Variants in ADCK1 observed in about 807,000 individuals in gnomAD.
ADCK1 encodes aarF domain-containing protein kinase 1.
Under a neutral mutation model 52.3 loss-of-function variants are expected in ADCK1, and 41 were observed. The observed-to-expected ratio is 0.78, with a 90% confidence interval of 0.61 to 1.02. ADCK1 has a LOEUF of 1.02. Among genes scored for constraint, ADCK1 ranks in the 50% least tolerant of loss-of-function variants. The pLI, the probability that ADCK1 is intolerant of heterozygous loss-of-function variation, is 0.00. For synonymous variants in ADCK1, 250 were observed against 274.6 expected (o/e 0.91, Z 0.89); for missense variants, 658 against 679.5 (o/e 0.97, Z 0.35).
intron 2 of ADCK1, among the ~76,000 whole-genome samples, chr14:77,821,478 A>G (rs2081581187): frequency 6.6e-6 from 1 of 152,156 alleles, no homozygotes; most frequent in Admixed American, 6.6e-5. Flanking sequence ...ACTCAATTCT[A>G]TAAAGGAAGG....
intron 5 of ADCK1, among the ~76,000 whole-genome samples, chr14:77,892,434 G>A (rs1037648892): frequency 6.6e-6 from 1 of 152,086 alleles, no homozygotes; most frequent in African/African-American, 2.4e-5. Context: ...TCTCACATGT[G>A]AAGATGTCTG....
intron 7 of ADCK1, among the ~76,000 whole-genome samples, chr14:77,918,660 C>G (rs2083981955): frequency 6.6e-6 from 1 of 152,218 alleles, no homozygotes; most frequent in African/African-American, 2.4e-5. Context: ...GAAAGACTAA[C>G]ACAATTCTAA....
chr14:77,830,309 A>G (rs2081817689), intron 3 of ADCK1, among the ~76,000 whole-genome samples: 1 of 151,068 alleles, frequency 6.6e-6, no homozygotes, highest in Admixed American at 6.6e-5. Flanking sequence ...ATGCGCCACC[A>G]CACCCAAGTA....
At chr14:77,911,386 C>T (rs2083788111) in intron 7 of ADCK1, among the ~76,000 whole-genome samples, 1 of 152,146 alleles carries the variant, frequency 6.6e-6, no homozygotes, top group African/African-American at 2.4e-5. Context: ...ATTCTTTTTG[C>T]ACCAACCCAA....
intron 4 of ADCK1, among the ~76,000 whole-genome samples, chr14:77,875,577 A>G (rs2082881435): frequency 6.6e-6 from 1 of 151,944 alleles, no homozygotes; most frequent in Non-Finnish European, 1.5e-5. Context: ...GTGGATGGAG[A>G]GGCTGTTATT....
rs551813078 is a variant in ADCK1, at chr14:77,919,336, G to A, written c.859-5121G>A. ...CTACCACTTATAAGTGGAAACATAC[G>A]ATACTTGTTTTTCCAGTCCTGAGTT... On this transcript the variant is annotated intron_variant, in intron 7 of 10. Transcript: ENST00000238561. Among the ~76,000 whole-genome samples the A allele has an allele frequency of 7.2e-5, 11 of 152,214 alleles. No individual in the cohort carries two copies. The South Asian group carries it at 8.3e-4, about 11-fold the overall frequency.
intron 3 of ADCK1, among the ~76,000 whole-genome samples, chr14:77,858,256 G>A (rs1053681758): frequency 6.6e-6 from 1 of 152,016 alleles, no homozygotes; most frequent in African/African-American, 2.4e-5. Flanking sequence ...TTTCTTTTTT[G>A]AGACAGAGTC....
chr14:77,886,925 C>T (rs2083162058), intron 4 of ADCK1, among the ~76,000 whole-genome samples, 166 bp from the exon 5 acceptor site: 1 of 56,190 alleles, frequency 1.8e-5, no homozygotes, highest in African/African-American at 4.6e-5. Context: ...CACACACACA[C>T]ACACACACAC....
intron 6 of ADCK1, among the ~76,000 whole-genome samples, chr14:77,900,978 T>C (rs796706556): frequency 7.2e-5 from 11 of 151,842 alleles, no homozygotes; most frequent in African/African-American, 2.7e-4. Context: ...GATTCAGAAG[T>C]AGGGACTCCC....
At position 77,840,912 on chromosome 14, in the gene ADCK1, AGAGG is replaced by A. The variant is rs1304646607; in HGVS notation, c.220-18143_220-18140del. ...AGGGGAGAGGAGGGGAGGGGAGGGA[AGAGG>A]GAGGGAGGGAGGGAGGGAGGAAGGA... is the stretch of plus-strand genomic sequence containing the variant. On this transcript the variant is annotated intron_variant, in intron 3 of 10. Transcript: ENST00000238561. Among the ~76,000 whole-genome samples the A allele has an allele frequency of 4.7e-3, 612 of 130,406 alleles. 7 individuals carry two copies. The highest frequency in any genetic ancestry group is 0.016 in the African/African-American group (549 of 34,146). 85.6% of individuals were successfully genotyped at this position (130,406 alleles called of 152,430 possible). A position where few individuals can be genotyped will look rare whatever the true frequency, so the allele number is the denominator to read the frequency against.
chr14:77,838,737 C>T (rs1458718531), intron 3 of ADCK1, among the ~76,000 whole-genome samples: 1 of 152,198 alleles, frequency 6.6e-6, no homozygotes, highest in African/African-American at 2.4e-5. Flanking sequence ...TCTTTACCCC[C>T]TAACCCCCAA....
intron 5 of ADCK1, among the ~76,000 whole-genome samples, chr14:77,889,886 TA>T (rs10683624): frequency 0.11 from 13,703 of 123,098 alleles, 989 homozygotes; most frequent in African/African-American, 0.23. Flanking sequence ...TATATAGAGT[TA>T]AAAAAAAAAA....
chr14:77,903,418 C>T (rs116550376), intron 6 of ADCK1, among the ~76,000 whole-genome samples: 1,765 of 152,316 alleles, frequency 0.012, 34 homozygotes, highest in African/African-American at 0.041. Flanking sequence ...TGCTTATGTG[C>T]GGTTTAAGAA....
At chr14:77,896,962 G>C (rs2083423679) in intron 5 of ADCK1, among the ~76,000 whole-genome samples, 1 of 152,186 alleles carries the variant, frequency 6.6e-6, no homozygotes, top group Non-Finnish European at 1.5e-5. Flanking sequence ...AGCTGTAAAT[G>C]CCTTGTAGTT....
intron 7 of ADCK1, among the ~76,000 whole-genome samples, chr14:77,919,445 C>A (rs764033044): frequency 5.5e-4 from 83 of 152,218 alleles, no homozygotes; most frequent in Admixed American, 2.1e-3. Flanking sequence ...CTGAGTGGTA[C>A]TCCATGGTCT....
chr14:77,819,193 C>T, intron 2 of ADCK1, 80 bp downstream of exon 2: 1 of 1,555,148 alleles, frequency 6.4e-7, no homozygotes, highest in Non-Finnish European at 8.8e-7. Context: ...GATAGACATG[C>T]CTGCTATGCA....
intron 4 of ADCK1, among the ~76,000 whole-genome samples, chr14:77,868,367 G>A (rs2082705978): frequency 6.6e-6 from 1 of 152,228 alleles, no homozygotes; most frequent in Non-Finnish European, 1.5e-5. Context: ...AGAGAGGGCA[G>A]CACTCAATCG....
chr14:77,897,896 T>G (rs2083446488), intron 5 of ADCK1, among the ~76,000 whole-genome samples: 1 of 152,170 alleles, frequency 6.6e-6, no homozygotes, highest in Admixed American at 6.5e-5. Context: ...GCTGTAGAGT[T>G]GGCTGTGGAA....
At chr14:77,881,058 G>A (rs1177343139) in intron 4 of ADCK1, among the ~76,000 whole-genome samples, 1 of 152,242 alleles carries the variant, frequency 6.6e-6, no homozygotes, top group African/African-American at 2.4e-5. Flanking sequence ...TGCTTGGGGT[G>A]TGTTAGTTAG....
Sources: allele counts gnomAD v4.1 joint callset (sites outside exome capture counted in the v4.1 genomes callset), GRCh38; gene constraint gnomAD v4.1.1; transcripts MANE v1.5; gene names NCBI Gene and HGNC (gene_info 2026-07-23, HGNC 2026-07-21).